The following CNTN4 variants were observed in gnomAD, a reference collection of about 807,000 sequenced individuals.
The protein encoded by CNTN4 is contactin-4.
CNTN4 carries 77 observed loss-of-function variants against 122.5 expected under a neutral mutation model. The ratio of observed to expected loss-of-function variants is 0.63; its 90% confidence interval spans 0.52 to 0.76. The LOEUF (loss-of-function observed/expected upper bound fraction) is 0.76, where lower values mean the gene tolerates loss of function less well. Ranked by LOEUF, CNTN4 falls within the 30% of genes least tolerant of loss-of-function variation. The pLI is 0.00. For synonymous variants in CNTN4, 512 were observed against 447.0 expected (o/e 1.15, Z -1.83); for missense variants, 1,256 against 1,259.1 (o/e 1.00, Z 0.04).
intron 2 of CNTN4, among the ~76,000 whole-genome samples, chr3:2,120,767 C>T (rs1477583759): frequency 6.6e-6 from 1 of 151,688 alleles, no homozygotes; most frequent in Non-Finnish European, 1.5e-5. Context: ...AAGGCTGGCT[C>T]ATCAATATTT....
At chr3:2,189,412 G>C (rs889722150) in intron 2 of CNTN4, among the ~76,000 whole-genome samples, 2 of 152,128 alleles carry the variant, frequency 1.3e-5, no homozygotes, top group Non-Finnish European at 2.9e-5. Context: ...AGATCTCTCT[G>C]GGATGGTACT....
At chr3:2,370,348 C>T (rs909922380) in intron 3 of CNTN4, among the ~76,000 whole-genome samples, 4 of 152,144 alleles carry the variant, frequency 2.6e-5, no homozygotes, top group African/African-American at 4.8e-5. Flanking sequence ...TGTTTTATAA[C>T]TGTCATACTT....
intron 7 of CNTN4, among the ~76,000 whole-genome samples, chr3:2,836,373 A>G (rs907670617): frequency 2.0e-5 from 3 of 152,210 alleles, no homozygotes; most frequent in Non-Finnish European, 4.4e-5. Context: ...TCCTGGCACT[A>G]GAACTTGACA....
intron 7 of CNTN4, among the ~76,000 whole-genome samples, 174 bp downstream of exon 7, chr3:2,819,755 A>G (rs895574079): frequency 5.3e-5 from 8 of 152,188 alleles, no homozygotes; most frequent in African/African-American, 1.9e-4. Context: ...ACAGGAAAAT[A>G]CCAGATTGTG....
intron 14 of CNTN4, among the ~76,000 whole-genome samples, chr3:2,994,992 T>C (rs747979467): frequency 6.6e-6 from 1 of 152,188 alleles, no homozygotes; most frequent in African/African-American, 2.4e-5. Context: ...TTCTGGGTGA[T>C]AATTAAGGGT....
chr3:2,174,190 C>G (rs1030295134), intron 2 of CNTN4, among the ~76,000 whole-genome samples: 7 of 152,108 alleles, frequency 4.6e-5, no homozygotes, highest in Non-Finnish European at 8.8e-5. Flanking sequence ...CACTTGCTGT[C>G]TTTTCCGTGG....
At chr3:2,215,756 G>T (rs770875104) in intron 2 of CNTN4, among the ~76,000 whole-genome samples, 2 of 151,686 alleles carry the variant, frequency 1.3e-5, no homozygotes, top group South Asian at 4.2e-4. Flanking sequence ...GGTGGCATGC[G>T]CCTGTAGTCC....
chr3:2,624,736 A>G (rs1024809750), intron 4 of CNTN4, among the ~76,000 whole-genome samples: 2 of 150,590 alleles, frequency 1.3e-5, no homozygotes, highest in South Asian at 2.1e-4. Context: ...GGTTCAAGCA[A>G]TTCCCTTGCC....
chr3:2,950,045 A>G (rs1317633830), intron 13 of CNTN4, among the ~76,000 whole-genome samples: 2 of 152,218 alleles, frequency 1.3e-5, no homozygotes, highest in Admixed American at 6.5e-5. Context: ...CTTCGCAAAG[A>G]TGTTTGCATC....
chr3:3,009,327 T>A (rs1174329875), intron 14 of CNTN4, among the ~76,000 whole-genome samples: 1 of 152,220 alleles, frequency 6.6e-6, no homozygotes, highest in Admixed American at 6.5e-5. Context: ...TATCTGAATG[T>A]TCCTTATTTG....
At chr3:2,381,106 C>T (rs758289847) in intron 3 of CNTN4, among the ~76,000 whole-genome samples, 2 of 151,716 alleles carry the variant, frequency 1.3e-5, no homozygotes, top group African/African-American at 2.4e-5. Flanking sequence ...TCTGGGTTCC[C>T]GCCATTCTCC....
At chr3:2,506,410 T>G (rs561509066) in intron 3 of CNTN4, among the ~76,000 whole-genome samples, 5 of 152,346 alleles carry the variant, frequency 3.3e-5, no homozygotes, top group Admixed American at 6.5e-5. Context: ...CACTAAAGTT[T>G]TTCTGAGCCA....
intron 3 of CNTN4, among the ~76,000 whole-genome samples, chr3:2,529,486 A>C (rs1369187958): frequency 6.6e-6 from 1 of 152,142 alleles, no homozygotes; most frequent in Non-Finnish European, 1.5e-5. Context: ...GTATTGCTAG[A>C]TAATGTTTAT....
intron 6 of CNTN4, among the ~76,000 whole-genome samples, chr3:2,800,300 A>G (rs1195414029): frequency 1.3e-5 from 2 of 151,790 alleles, no homozygotes; most frequent in Non-Finnish European, 2.9e-5. Context: ...CATTCGATTT[A>G]TTTCTTCTTT....
intron 4 of CNTN4, among the ~76,000 whole-genome samples, chr3:2,642,610 A>G (rs994599607): frequency 4.6e-5 from 7 of 152,168 alleles, no homozygotes; most frequent in African/African-American, 7.2e-5. Context: ...AGAAACAGGT[A>G]TATGTATACA....
intron 3 of CNTN4, among the ~76,000 whole-genome samples, chr3:2,565,473 T>A (rs1261157670): frequency 6.6e-6 from 1 of 152,184 alleles, no homozygotes; most frequent in African/African-American, 2.4e-5. Flanking sequence ...GGAATTTTCA[T>A]TATCCAAGAA....
At chr3:2,701,582 G>A (rs560440653) in intron 4 of CNTN4, among the ~76,000 whole-genome samples, 1 of 152,268 alleles carries the variant, frequency 6.6e-6, no homozygotes, top group South Asian at 2.1e-4. Context: ...CAGGGAGGTG[G>A]GCAGTGGGGA....
intron 3 of CNTN4, among the ~76,000 whole-genome samples, chr3:2,502,846 T>G (rs1025033533): frequency 6.6e-6 from 1 of 152,136 alleles, no homozygotes; most frequent in African/African-American, 2.4e-5. Flanking sequence ...TTTATAAATC[T>G]TAGTAACAGT....
At chr3:2,629,563 G>A in intron 4 of CNTN4, 1 of 452,916 alleles carries the variant, frequency 2.2e-6, no homozygotes, top group Non-Finnish European at 4.4e-6. Flanking sequence ...TGGGGGTGCT[G>A]CCAGCCTTGG....
Sources: allele counts gnomAD v4.1 joint callset (sites outside exome capture counted in the v4.1 genomes callset), GRCh38; gene constraint gnomAD v4.1.1; transcripts MANE v1.5; gene names NCBI Gene and HGNC (gene_info 2026-07-23, HGNC 2026-07-21).